The following TAFA1 variants were observed in gnomAD, a reference collection of about 807,000 sequenced individuals.
TAFA1 encodes the protein chemokine-like protein TAFA-1.
TAFA1 carries 4 observed loss-of-function variants against 18.5 expected under a neutral mutation model. The ratio of observed to expected loss-of-function variants is 0.22; its 90% CI spans 0.11 to 0.49. The LOEUF (loss-of-function observed/expected upper bound fraction) is 0.49. TAFA1 is among the 20% of genes least tolerant of loss of function. The probability of loss-of-function intolerance (pLI) is 0.98; values close to 1 mark genes in which losing one functional copy is unlikely to be tolerated. For synonymous variants in TAFA1, 56 were observed against 55.2 expected, an observed-to-expected ratio of 1.01 and a Z score of -0.06; for missense variants, 147 against 169.0, an observed-to-expected ratio of 0.87 and a Z score of 0.72.
chr3:68,280,365 A>G (rs560434431), intron 2 of TAFA1, among the ~76,000 whole-genome samples: 1 of 152,284 alleles, frequency 6.6e-6, no homozygotes, highest in East Asian at 1.9e-4. Context: ...CTCTCTTTGT[A>G]AGTTACAAAG....
intron 2 of TAFA1, among the ~76,000 whole-genome samples, chr3:68,251,936 C>A (rs546886443): frequency 3.3e-5 from 5 of 152,272 alleles, no homozygotes; most frequent in African/African-American, 9.6e-5. Context: ...ATGTGGGAAG[C>A]CCCATCATCG....
intron 3 of TAFA1, among the ~76,000 whole-genome samples, chr3:68,427,547 T>C (rs566637101): frequency 6.6e-6 from 1 of 152,080 alleles, no homozygotes. Flanking sequence ...TTGTATCCCC[T>C]TCTGGGACCT....
chr3:68,183,957 CA>C (rs2106993542), intron 2 of TAFA1, among the ~76,000 whole-genome samples: 1 of 152,248 alleles, frequency 6.6e-6, no homozygotes, highest in South Asian at 2.1e-4. Flanking sequence ...TTCTGTAATG[CA>C]AAGCTAATAT....
intron 2 of TAFA1, among the ~76,000 whole-genome samples, chr3:68,416,526 T>G (rs1040936879): frequency 6.6e-6 from 1 of 152,170 alleles, no homozygotes; most frequent in Non-Finnish European, 1.5e-5. Context: ...CTTAGCTGAT[T>G]TAGCTGATTT....
intron 2 of TAFA1, among the ~76,000 whole-genome samples, chr3:68,095,554 C>T (rs1286150595): frequency 2.0e-5 from 3 of 152,062 alleles, no homozygotes; most frequent in Non-Finnish European, 4.4e-5. Flanking sequence ...CATGATAGCC[C>T]TCACAGATTT....
intron 2 of TAFA1, among the ~76,000 whole-genome samples, chr3:68,084,569 G>A (rs1302958406): frequency 1.4e-4 from 21 of 152,080 alleles, no homozygotes; most frequent in Admixed American, 1.1e-3. Context: ...AGGCTGAGGC[G>A]GGTGGATCAC....
At position 68,135,851 on chromosome 3, in the gene TAFA1, T is replaced by C. The variant is rs143422243; in HGVS notation, c.118+129107T>C. Among the ~76,000 whole-genome samples the C allele has an allele frequency of 8.8e-4, 134 of 152,336 alleles. 4 individuals are homozygous for C. In the East Asian group the frequency reaches 0.025, roughly 29 times the overall value. On this transcript the variant is annotated intron_variant, in intron 2 of 4. Coordinates refer to ENST00000478136, the MANE Select transcript of TAFA1 (RefSeq NM_213609.4). ...AATGGTAGATATGATGCCAGATGTA[T>C]GTTTCACACATATTTGGGGGGAGGT... is the stretch of plus-strand genomic sequence containing the variant.
intron 2 of TAFA1, among the ~76,000 whole-genome samples, chr3:68,179,858 C>T (rs1194383548): frequency 6.6e-6 from 1 of 152,020 alleles, no homozygotes; most frequent in Admixed American, 6.6e-5. Context: ...GTCTTCCCAT[C>T]TGTCCTTCAT....
chr3:68,297,954 G>T (rs1490612482), intron 2 of TAFA1, among the ~76,000 whole-genome samples: 1 of 152,162 alleles, frequency 6.6e-6, no homozygotes, highest in Non-Finnish European at 1.5e-5. Flanking sequence ...AGAACTTACT[G>T]TGATATAATG....
intron 2 of TAFA1, among the ~76,000 whole-genome samples, chr3:68,409,474 A>G (rs1299444777): frequency 1.3e-5 from 2 of 152,028 alleles, no homozygotes; most frequent in African/African-American, 4.8e-5. Context: ...AAAAGTGGTC[A>G]TTTCCCCTGC....
intron 2 of TAFA1, among the ~76,000 whole-genome samples, chr3:68,058,185 C>T (rs541880983): frequency 1.3e-5 from 2 of 152,298 alleles, no homozygotes; most frequent in South Asian, 2.1e-4. Context: ...AGCTCTATCA[C>T]TTACTCGCTA....
At chr3:68,188,427 A>C (rs2066295641) in intron 2 of TAFA1, among the ~76,000 whole-genome samples, 1 of 150,444 alleles carries the variant, frequency 6.6e-6, no homozygotes, top group African/African-American at 2.4e-5. Context: ...TATCTTTCTA[A>C]ATGTTTTGCT....
intron 3 of TAFA1, among the ~76,000 whole-genome samples, chr3:68,530,043 C>T (rs761084434): frequency 5.3e-5 from 8 of 152,126 alleles, no homozygotes; most frequent in Admixed American, 1.3e-4. Flanking sequence ...ATGCCAGTAA[C>T]CTGTATTGAG....
At chr3:68,405,922 A>G (rs2070597176) in intron 2 of TAFA1, among the ~76,000 whole-genome samples, 2 of 151,814 alleles carry the variant, frequency 1.3e-5, no homozygotes, top group African/African-American at 4.8e-5. Context: ...TTGGGTTTCA[A>G]TTTTTATATT....
chr3:68,176,780 A>G (rs2066131915), intron 2 of TAFA1, among the ~76,000 whole-genome samples: 2 of 152,342 alleles, frequency 1.3e-5, no homozygotes, highest in South Asian at 2.1e-4. Context: ...TGTCACCAGC[A>G]TAGCTATAAT....
At chr3:68,507,468 G>T (rs1329011133) in intron 3 of TAFA1, among the ~76,000 whole-genome samples, 2 of 152,060 alleles carry the variant, frequency 1.3e-5, no homozygotes, top group Non-Finnish European at 2.9e-5. Context: ...GGCAAAAACA[G>T]TTGATTAAAA....
intron 2 of TAFA1, among the ~76,000 whole-genome samples, chr3:68,309,637 C>T (rs955731195): frequency 1.1e-4 from 17 of 152,190 alleles, no homozygotes; most frequent in Non-Finnish European, 2.2e-4. Flanking sequence ...ATAATTTTCT[C>T]AGGATTTGTA....
At chr3:68,197,905 A>C (rs2066430661) in intron 2 of TAFA1, among the ~76,000 whole-genome samples, 2 of 151,690 alleles carry the variant, frequency 1.3e-5, no homozygotes, top group Non-Finnish European at 3.0e-5. Flanking sequence ...TATGTAGTTA[A>C]ATATAATGTA....
chr3:68,370,286 CAAAAAAAA>C lies in TAFA1; in HGVS notation c.119-46965_119-46958del, dbSNP rs71618234. ...CTGGGCGACAAGGGAGACCCCATCT[CAAAAAAAA>C]AAAAAAAAAAAAAAAAAAAAAAAAA... On this transcript the variant is annotated intron_variant, in intron 2 of 4. Transcript: ENST00000478136. Among the ~76,000 whole-genome samples, 39 of 10,822 alleles carry C rather than the reference CAAAAAAAA, an allele frequency of 3.6e-3. 1 individual carries two copies. Among genetic ancestry groups the C allele is most frequent in the East Asian group, 0.015 (3 of 196 alleles). 7.1% of individuals were successfully genotyped at this position (10,822 alleles called of 152,430 possible).
Sources: gnomAD v4.1 joint callset for allele counts (sites outside exome capture counted in the v4.1 genomes callset) on GRCh38, gnomAD v4.1.1 for gene constraint, MANE v1.5 for transcripts, NCBI Gene and HGNC (gene_info 2026-07-23, HGNC 2026-07-21) for gene names.